The following ARFGEF3 variants were observed in gnomAD, a reference collection of about 807,000 sequenced individuals.
ARFGEF3 encodes the protein brefeldin A-inhibited guanine nucleotide-exchange protein 3.
Under a neutral mutation model 221.7 loss-of-function variants are expected in ARFGEF3, and 96 were observed. That is an observed-to-expected ratio of 0.43 (90% CI 0.37 to 0.51). The LOEUF (loss-of-function observed/expected upper bound fraction) is 0.51. Among genes scored for constraint, ARFGEF3 ranks in the 20% least tolerant of loss-of-function variants. The probability of loss-of-function intolerance (pLI) is 0.00; values close to 1 mark genes in which losing one functional copy is unlikely to be tolerated. For missense variants in ARFGEF3, 2,410 were observed against 2,789.9 expected (o/e 0.86, Z 3.07); for synonymous variants, 1,145 against 1,126.8 (o/e 1.02, Z -0.32).
intron 4 of ARFGEF3, chr6:138,215,983 T>G (rs11967414): frequency 0.079 from 11,833 of 150,018 alleles, 1,220 homozygotes; most frequent in African/African-American, 0.23. Context: ...TGTTGTTGTT[T>G]TTTTTTTTGG....
chr6:138,207,508 A>G (rs1562353232), intron 3 of ARFGEF3, among the ~76,000 whole-genome samples: 1 of 152,210 alleles, frequency 6.6e-6, no homozygotes, highest in Non-Finnish European at 1.5e-5. Context: ...TTGATGGTAA[A>G]CTGGAAAGAT....
intron 23 of ARFGEF3, among the ~76,000 whole-genome samples, chr6:138,307,981 A>G (rs1779757229): frequency 1.3e-5 from 2 of 152,228 alleles, no homozygotes; most frequent in Admixed American, 6.5e-5. Context: ...GGAAGAATCT[A>G]TGCACCAGCT....
chr6:138,304,482 G>GA (rs1022111712), intron 22 of ARFGEF3, among the ~76,000 whole-genome samples: 2 of 152,066 alleles, frequency 1.3e-5, no homozygotes, highest in Non-Finnish European at 2.9e-5. Context: ...AGTCTTTGAA[G>GA]AAAAAATATG....
chr6:138,265,790 C>T (rs1022791600), intron 12 of ARFGEF3, among the ~76,000 whole-genome samples: 3 of 152,078 alleles, frequency 2.0e-5, no homozygotes, highest in Admixed American at 6.5e-5. Context: ...AGTTGTACTT[C>T]GGTCTCTCTC....
At chr6:138,299,974 G>A (rs918969386) in intron 22 of ARFGEF3, among the ~76,000 whole-genome samples, 5 of 151,698 alleles carry the variant, frequency 3.3e-5, no homozygotes, top group East Asian at 3.9e-4. Context: ...AAACTCCCCC[G>A]AGAGAAACTC....
chr6:138,299,658 C>T (rs1230557274), intron 22 of ARFGEF3, among the ~76,000 whole-genome samples: 3 of 152,018 alleles, frequency 2.0e-5, no homozygotes, highest in East Asian at 1.9e-4. Flanking sequence ...CTGGTTTTCC[C>T]GCGAGGGAAT....
At chr6:138,259,805 T>G (rs1169449704) in intron 10 of ARFGEF3, among the ~76,000 whole-genome samples, 1 of 152,034 alleles carries the variant, frequency 6.6e-6, no homozygotes, top group African/African-American at 2.4e-5. Flanking sequence ...TCCCAGCTAC[T>G]TGGGAGGCTG....
chr6:138,271,520 A>G (rs1281598600), intron 12 of ARFGEF3, among the ~76,000 whole-genome samples: 2 of 152,208 alleles, frequency 1.3e-5, no homozygotes, highest in African/African-American at 2.4e-5. Flanking sequence ...TTTAATACTC[A>G]TAACAACCCC....
intron 2 of ARFGEF3, among the ~76,000 whole-genome samples, chr6:138,172,096 A>G (rs553063425): frequency 5.8e-4 from 89 of 152,318 alleles, no homozygotes; most frequent in African/African-American, 2.1e-3. Flanking sequence ...ACAGGTTTAC[A>G]TATTGTAAGG....
At chr6:138,172,514 A>G (rs1776855880) in intron 2 of ARFGEF3, among the ~76,000 whole-genome samples, 1 of 152,238 alleles carries the variant, frequency 6.6e-6, no homozygotes. Flanking sequence ...CCATACTGGT[A>G]AAGGGAGTGA....
At position 138,279,210 on chromosome 6, in the gene ARFGEF3, G is replaced by T. The variant is rs114621393; in HGVS notation, c.2295+593G>T. Among the ~76,000 whole-genome samples, 270 of 151,956 alleles carry T rather than the reference G, an allele frequency of 1.8e-3. 3 individuals carry two copies. The highest frequency in any genetic ancestry group is 6.3e-3 in the African/African-American group (262 of 41,410). ...TTTAATTATTTTTTGTAAAGACAGG[G>T]TCTCGCTATGTTGCCCATGCCAGCC... On this transcript the variant is annotated intron_variant, in intron 13 of 33. Transcript: ENST00000251691.
chr6:138,254,029 G>A, intron 9 of ARFGEF3, 45 bp downstream of exon 9: 1 of 1,319,778 alleles, frequency 7.6e-7, no homozygotes, highest in Non-Finnish European at 1.0e-6. Flanking sequence ...CCAACCCAAG[G>A]GCTGCTGCTG....
At position 138,340,453 on chromosome 6, in the gene ARFGEF3, C is replaced by T. The variant is rs1780409112; in HGVS notation, c.*3967C>T. The T allele has an allele frequency of 6.6e-6, 1 of 152,126 alleles. No homozygotes were observed. Among genetic ancestry groups the T allele is most frequent in the Non-Finnish European group, 1.5e-5 (1 of 68,046 alleles). 9.4% of individuals were successfully genotyped at this position (152,126 alleles called of 1,614,324 possible). A position where few individuals can be genotyped will look rare whatever the true frequency, so the allele number is the denominator to read the frequency against. ...CTTTGCCAGATTCATCACAATACTG[C>T]TTATACAGGAAAGTTTTCTCAGAAA... On this transcript the variant is annotated 3_prime_UTR_variant, in exon 34 of 34. Transcript: ENST00000251691.
chr6:138,331,912 A>C (rs1004619315), intron 32 of ARFGEF3, among the ~76,000 whole-genome samples: 1 of 151,922 alleles, frequency 6.6e-6, no homozygotes, highest in Non-Finnish European at 1.5e-5. Flanking sequence ...TTTTCTTGTC[A>C]CTGCGCCCTT....
chr6:138,177,871 T>TG (rs1443595025), intron 2 of ARFGEF3, among the ~76,000 whole-genome samples: 3 of 152,170 alleles, frequency 2.0e-5, no homozygotes, highest in Non-Finnish European at 2.9e-5. Flanking sequence ...ATTGATTTTC[T>TG]GATTTCCTTA....
chr6:138,196,933 A>C (rs1583005881), intron 2 of ARFGEF3, among the ~76,000 whole-genome samples: 1 of 152,078 alleles, frequency 6.6e-6, no homozygotes, highest in Non-Finnish European at 1.5e-5. Context: ...TCCCGGGTTC[A>C]AACGATTCTC....
Position 138,274,752 on chromosome 6 carries a change from G to A in ARFGEF3, c.2129-3699G>A, listed in dbSNP as rs867808858. Among the ~76,000 whole-genome samples the A allele has an allele frequency of 3.9e-4, 52 of 133,190 alleles. No individual in the cohort carries two copies. The Middle Eastern group carries it at 0.031, about 78-fold the overall frequency. The allele number at this position is 133,190 out of a possible 152,430, so 87.4% of individuals were successfully genotyped here. ...AGAGGTTGCGGTGAGCCAAGATCGC[G>A]CCACTGCACTCCAGCCTGGGCAACA... On this transcript the variant is annotated intron_variant, in intron 12 of 33. Coordinates refer to ENST00000251691, the MANE Select transcript of ARFGEF3 (RefSeq NM_020340.5).
intron 20 of ARFGEF3, among the ~76,000 whole-genome samples, chr6:138,295,748 A>G (rs1779500434): frequency 6.6e-6 from 1 of 152,256 alleles, no homozygotes; most frequent in Non-Finnish European, 1.5e-5. Context: ...CAGGTTGAGT[A>G]TCCCTAATCC....
intron 5 of ARFGEF3, among the ~76,000 whole-genome samples, chr6:138,231,674 T>A (rs1460366659): frequency 6.6e-6 from 1 of 152,230 alleles, no homozygotes; most frequent in Non-Finnish European, 1.5e-5. Flanking sequence ...TTAAAACTCC[T>A]GTGGAAATGT....
Sources: allele counts gnomAD v4.1 joint callset (sites outside exome capture counted in the v4.1 genomes callset), GRCh38; gene constraint gnomAD v4.1.1; transcripts MANE v1.5; gene names NCBI Gene and HGNC (gene_info 2026-07-23, HGNC 2026-07-21).